The following SLC7A11 variants were observed in gnomAD, a reference collection of about 807,000 sequenced individuals.
SLC7A11 encodes the protein cystine/glutamate transporter.
SLC7A11 carries 35 observed loss-of-function variants against 54.5 expected under a neutral mutation model. The observed-to-expected ratio is 0.64, with a 90% CI of 0.49 to 0.85. The LOEUF is 0.85. Ranked by LOEUF, SLC7A11 falls within the 40% of genes least tolerant of loss-of-function variation. SLC7A11 has a pLI of 0.00. For missense variants in SLC7A11, 583 were observed against 618.1 expected, an observed-to-expected ratio of 0.94 and a Z score of 0.60; for synonymous variants, 230 against 225.2, an observed-to-expected ratio of 1.02 and a Z score of -0.19.
At position 138,180,752 on chromosome 4, in the gene SLC7A11, G is replaced by A. The variant is rs376138225; in HGVS notation, c.1155C>T (p.Leu385=). 111 of 1,612,658 alleles carry A rather than the reference G, an allele frequency of 6.9e-5. No individual in the cohort carries two copies. Among genetic ancestry groups the A allele is most frequent in the Non-Finnish European group, 8.6e-5 (102 of 1,179,336 alleles). Residue 385 remains leucine (L), a synonymous_variant, in exon 10 of 12, where the codon CTC becomes CTT. Coordinates refer to ENST00000280612, the MANE Select transcript of SLC7A11 (RefSeq NM_014331.4). ...LTMIMLFSGD[L]DSLLNFLSFA... Reference sequence around the variant, plus strand: ...AACTGAGGAAATTCAAAAGACTGTCGAGGTCTCCAGAGAAGAGCATTATCA... The same window carrying A: ...AACTGAGGAAATTCAAAAGACTGTCAAGGTCTCCAGAGAAGAGCATTATCA...
chr4:138,184,444 A>G (rs1222569827), intron 7 of SLC7A11, among the ~76,000 whole-genome samples: 1 of 152,112 alleles, frequency 6.6e-6, no homozygotes, highest in East Asian at 1.9e-4. Flanking sequence ...GTATCACAGA[A>G]TAACAGTCTT....
intron 1 of SLC7A11, among the ~76,000 whole-genome samples, chr4:138,237,337 A>ACT (rs1307346793): frequency 6.7e-6 from 1 of 149,372 alleles, no homozygotes; most frequent in African/African-American, 2.5e-5. Context: ...ATGAATTCTG[A>ACT]CTCTGTTTCT....
intron 6 of SLC7A11, among the ~76,000 whole-genome samples, chr4:138,201,685 A>G (rs1052013639): frequency 1.3e-5 from 2 of 152,158 alleles, no homozygotes; most frequent in African/African-American, 4.8e-5. Context: ...CCCCATGTCC[A>G]CAAATCCTGA....
intron 6 of SLC7A11, among the ~76,000 whole-genome samples, chr4:138,185,769 T>C (rs1022404345): frequency 6.6e-6 from 1 of 152,154 alleles, no homozygotes; most frequent in Non-Finnish European, 1.5e-5. Context: ...ACATTCAATG[T>C]TTTTTCCATC....
At chr4:138,199,932 C>T (rs889580736) in intron 6 of SLC7A11, among the ~76,000 whole-genome samples, 4 of 152,110 alleles carry the variant, frequency 2.6e-5, no homozygotes, top group Non-Finnish European at 5.9e-5. Flanking sequence ...GGACACTGCA[C>T]TGTGAGGAAT....
chr4:138,238,768 T>C (rs994422473), intron 1 of SLC7A11, among the ~76,000 whole-genome samples: 3 of 151,900 alleles, frequency 2.0e-5, no homozygotes, highest in African/African-American at 2.4e-5. Context: ...CCCAGCTAAA[T>C]TTTTGTGTAT....
chr4:138,217,896 A>G (rs545320088), intron 5 of SLC7A11, among the ~76,000 whole-genome samples: 3 of 152,340 alleles, frequency 2.0e-5, no homozygotes, highest in African/African-American at 7.2e-5. Context: ...CTAGCACCAC[A>G]TTGTGCTTCA....
At chr4:138,183,382 G>T (rs1736795217) in intron 7 of SLC7A11, 77 bp from the exon 8 acceptor site, 1 of 921,848 alleles carries the variant, frequency 1.1e-6, no homozygotes, top group Non-Finnish European at 1.7e-6. Context: ...GGCCAAACTT[G>T]CTCTATGACT....
Position 138,198,430 on chromosome 4 carries a change from C to T in SLC7A11, c.792-13186G>A, listed in dbSNP as rs542989986. 4.9e-3 allele frequency among the ~76,000 whole-genome samples: 743 copies of T among 152,248 alleles called. 5 individuals carry two copies. Among genetic ancestry groups the T allele is most frequent in the Non-Finnish European group, 8.2e-3 (558 of 67,990 alleles). ...TATTCATGCTCCAAAATGGTAACCA[C>T]GTGTAGCTGCTAAAAATGCTGGAAG... On this transcript the variant is annotated intron_variant, in intron 6 of 11. Coordinates refer to ENST00000280612, the MANE Select transcript of SLC7A11 (RefSeq NM_014331.4).
Position 138,170,513 on chromosome 4 carries a change from TC to T in SLC7A11, c.*1442del, listed in dbSNP as rs1399800315. Reference sequence around the variant, plus strand: ...GTATTTTTAGTAGAGATGGGGTTTCTCCATGTTGGTCAGGCTGGTCTAGAAC... The same window carrying T: ...GTATTTTTAGTAGAGATGGGGTTTCTCATGTTGGTCAGGCTGGTCTAGAAC... On this transcript the variant is annotated 3_prime_UTR_variant, in exon 12 of 12. Transcript: ENST00000280612. The T allele has an allele frequency of 1.3e-5, 2 of 151,450 alleles. No homozygotes were observed. Among genetic ancestry groups the T allele is most frequent in the Non-Finnish European group, 2.9e-5 (2 of 67,852 alleles). The allele number at this position is 151,450 out of a possible 1,614,324, so 9.4% of individuals were successfully genotyped here.
intron 6 of SLC7A11, among the ~76,000 whole-genome samples, chr4:138,198,505 G>T (rs1737194813): frequency 6.6e-6 from 1 of 152,158 alleles, no homozygotes; most frequent in South Asian, 2.1e-4. Flanking sequence ...ACCATGAGGT[G>T]TAATTTTTGC....
In SLC7A11 at chr4:138,219,304, T is replaced by A. The variant is rs1236629162; in HGVS notation, c.708A>T (p.Pro236=). The A allele has an allele frequency of 1.2e-6, 2 of 1,611,150 alleles. No individual in the cohort carries two copies. The highest frequency in any genetic ancestry group is 4.5e-5 in the East Asian group (2 of 44,838). ...CATACATTCCATAATAAAAAGCCAG[T>A]GGCAACCGCGTAATACTTGAATCTC... ...SGRDSSITRL[P]LAFYYGMYAY... The change falls in exon 5 of 12, where the codon CCA becomes CCT. Residue 236 remains proline (P), a synonymous_variant. Coordinates refer to ENST00000280612, the MANE Select transcript of SLC7A11 (RefSeq NM_014331.4).
intron 6 of SLC7A11, among the ~76,000 whole-genome samples, chr4:138,210,075 C>A (rs1473857379): frequency 6.6e-6 from 1 of 151,624 alleles, no homozygotes; most frequent in South Asian, 2.1e-4. Context: ...GTTAAAGAAC[C>A]CAGAAATAAA....
intron 11 of SLC7A11, 130 bp from the exon 12 acceptor site, chr4:138,172,147 A>G: frequency 1.1e-6 from 1 of 911,430 alleles, no homozygotes; most frequent in Non-Finnish European, 1.5e-6. Context: ...ACTTTCAAGA[A>G]TTATTTACTT....
intron 1 of SLC7A11, among the ~76,000 whole-genome samples, chr4:138,240,227 A>G (rs1350922205): frequency 6.6e-6 from 1 of 152,130 alleles, no homozygotes; most frequent in East Asian, 1.9e-4. Flanking sequence ...ATCTTTCTAT[A>G]CTACTTGTTT....
Position 138,170,966 on chromosome 4 carries a change from T to C in SLC7A11, c.*990A>G, listed in dbSNP as rs912212152. On this transcript the variant is annotated 3_prime_UTR_variant, in exon 12 of 12. Transcript: ENST00000280612. ...ATCATCGTGTAAAAATAGCCATAAA[T>C]TTAAAAAACTTCAGAATTACTAACA... 4.0e-4 allele frequency: 61 copies of C among 152,142 alleles called. No homozygotes were observed. Among genetic ancestry groups the C allele is most frequent in the African/African-American group, 1.4e-3 (60 of 41,440 alleles). 9.4% of individuals were successfully genotyped at this position (152,142 alleles called of 1,614,324 possible).
intron 6 of SLC7A11, among the ~76,000 whole-genome samples, chr4:138,192,389 A>G (rs922456942): frequency 3.3e-5 from 5 of 152,196 alleles, no homozygotes; most frequent in Non-Finnish European, 7.4e-5. Flanking sequence ...ACAAAGCCAC[A>G]TGATGAAAGG....
chr4:138,238,595 AT>A (rs35797835), intron 1 of SLC7A11, among the ~76,000 whole-genome samples: 3,042 of 146,592 alleles, frequency 0.021, 83 homozygotes, highest in African/African-American at 0.065. Context: ...CCTAGGAATA[AT>A]TTTTTTTTTT....
At chr4:138,199,931 A>G (rs542149983) in intron 6 of SLC7A11, among the ~76,000 whole-genome samples, 1 of 152,242 alleles carries the variant, frequency 6.6e-6, no homozygotes, top group African/African-American at 2.4e-5. Flanking sequence ...AGGACACTGC[A>G]CTGTGAGGAA....
Sources: gnomAD v4.1 joint callset for allele counts (sites outside exome capture counted in the v4.1 genomes callset) on GRCh38, gnomAD v4.1.1 for gene constraint, MANE v1.5 for transcripts, NCBI Gene and HGNC (gene_info 2026-07-23, HGNC 2026-07-21) for gene names.